The following NRXN1 variants were observed in gnomAD, a reference collection of about 807,000 sequenced individuals.
The protein encoded by NRXN1 is neurexin-1.
NRXN1 carries 39 observed loss-of-function variants against 150.9 expected under a neutral mutation model. The ratio of observed to expected loss-of-function variants is 0.26; its 90% confidence interval spans 0.20 to 0.34. The LOEUF (loss-of-function observed/expected upper bound fraction) is 0.34. Ranked by LOEUF, NRXN1 falls within the 10% of genes least tolerant of loss-of-function variation. The probability of loss-of-function intolerance (pLI) is 1.00; values close to 1 mark genes in which losing one functional copy is unlikely to be tolerated. For synonymous variants in NRXN1, 924 were observed against 757.0 expected, an observed-to-expected ratio of 1.22 and a Z score of -3.62; for missense variants, 1,815 against 1,949.9, an observed-to-expected ratio of 0.93 and a Z score of 1.30.
chr2:50,530,842 C>T (rs1461964912), intron 11 of NRXN1, among the ~76,000 whole-genome samples: 1 of 152,170 alleles, frequency 6.6e-6, no homozygotes, highest in African/African-American at 2.4e-5. Flanking sequence ...CAAATCCTTT[C>T]TAAGAAGACA....
chr2:49,977,954 G>A (rs1232711635), intron 21 of NRXN1, among the ~76,000 whole-genome samples: 1 of 152,112 alleles, frequency 6.6e-6, no homozygotes, highest in Non-Finnish European at 1.5e-5. Flanking sequence ...ACGAGGTCAG[G>A]AGATTGACAC....
At chr2:50,979,784 T>C (rs1421399367) in intron 2 of NRXN1, among the ~76,000 whole-genome samples, 1 of 152,058 alleles carries the variant, frequency 6.6e-6, no homozygotes, top group African/African-American at 2.4e-5. Context: ...CCAACACCAT[T>C]CAATATATTC....
chr2:51,026,531 GCCC>G (rs1344160396), intron 2 of NRXN1: 176 of 1,115,016 alleles, frequency 1.6e-4, no homozygotes, highest in Middle Eastern at 1.9e-4. Flanking sequence ...ACTGTTTTAA[GCCC>G]CAAGAACCAC....
chr2:50,890,712 T>A (rs147714845), intron 5 of NRXN1, among the ~76,000 whole-genome samples: 53 of 151,918 alleles, frequency 3.5e-4, no homozygotes, highest in African/African-American at 1.2e-3. Context: ...TATTGAACAA[T>A]TAAAACAAAA....
intron 18 of NRXN1, among the ~76,000 whole-genome samples, chr2:50,123,735 A>G (rs1704185741): frequency 6.6e-6 from 1 of 152,094 alleles, no homozygotes. Context: ...TTACTGATAG[A>G]TTGGATGTGA....
At chr2:50,985,701 C>T (rs1423813105) in intron 2 of NRXN1, among the ~76,000 whole-genome samples, 1 of 151,356 alleles carries the variant, frequency 6.6e-6, no homozygotes, top group African/African-American at 2.4e-5. Flanking sequence ...ATTGAAAATA[C>T]AGGAGAATTG....
chr2:50,296,764 A>G (rs889673954), intron 17 of NRXN1, among the ~76,000 whole-genome samples: 1 of 151,972 alleles, frequency 6.6e-6, no homozygotes, highest in Non-Finnish European at 1.5e-5. Flanking sequence ...CACGCTGCTC[A>G]GCCAGCTGCC....
chr2:50,980,054 G>A (rs980782015), intron 2 of NRXN1, among the ~76,000 whole-genome samples: 1 of 152,092 alleles, frequency 6.6e-6, no homozygotes, highest in Non-Finnish European at 1.5e-5. Flanking sequence ...ACCTAGATTT[G>A]CATATCGTTC....
rs989344037 is a variant in NRXN1, at chr2:50,675,282, G to C, written c.833-51667C>G. On this transcript the variant is annotated intron_variant, in intron 5 of 22. Transcript: ENST00000401669. ...CCCAGAAATTCTACAGACTATAAAT[G>C]CTATTTGTGAATCAATAGATTTTAA... Among the ~76,000 whole-genome samples the C allele has an allele frequency of 3.3e-5, 5 of 152,234 alleles. No homozygotes were observed. In the East Asian group the frequency reaches 5.8e-4, roughly 18 times the overall value.
intron 18 of NRXN1, among the ~76,000 whole-genome samples, chr2:50,150,636 T>G (rs181376298): frequency 6.6e-6 from 1 of 151,830 alleles, no homozygotes; most frequent in South Asian, 2.1e-4. Flanking sequence ...TAAAGAAGAA[T>G]CATTTAGGAA....
At chr2:50,850,210 A>T (rs1674312824) in intron 5 of NRXN1, among the ~76,000 whole-genome samples, 1 of 150,784 alleles carries the variant, frequency 6.6e-6, no homozygotes, top group Admixed American at 6.6e-5. Flanking sequence ...CCTGGGCAAC[A>T]GAGCAAGACC....
intron 5 of NRXN1, among the ~76,000 whole-genome samples, chr2:50,718,495 T>C (rs558470442): frequency 9.1e-4 from 139 of 152,296 alleles, no homozygotes; most frequent in African/African-American, 3.2e-3. Flanking sequence ...TATTAATCTG[T>C]ATCTGTTTAT....
intron 18 of NRXN1, among the ~76,000 whole-genome samples, chr2:50,126,892 A>T (rs2152742896): frequency 6.6e-6 from 1 of 152,238 alleles, no homozygotes; most frequent in Middle Eastern, 3.4e-3. Flanking sequence ...TATTTAATAA[A>T]TCCTGAGTTG....
chr2:50,192,773 A>G (rs905776448), intron 18 of NRXN1, among the ~76,000 whole-genome samples: 4 of 151,832 alleles, frequency 2.6e-5, no homozygotes, highest in Non-Finnish European at 4.4e-5. Context: ...CTCCCGGCTA[A>G]TTTTTTTGTA....
chr2:50,887,148 A>G (rs1335495852), intron 5 of NRXN1, among the ~76,000 whole-genome samples: 2 of 151,406 alleles, frequency 1.3e-5, no homozygotes, highest in Non-Finnish European at 3.0e-5. Flanking sequence ...TGTTTTCAGT[A>G]TCCAAAATGG....
intron 18 of NRXN1, among the ~76,000 whole-genome samples, chr2:50,207,020 C>T (rs2062644418): frequency 6.6e-6 from 1 of 151,862 alleles, no homozygotes. Context: ...TTAAAAACAG[C>T]TGCTCTTCTA....
intron 17 of NRXN1, among the ~76,000 whole-genome samples, chr2:50,284,257 T>C (rs1325422926): frequency 1.3e-5 from 2 of 152,158 alleles, no homozygotes; most frequent in African/African-American, 2.4e-5. Context: ...CATGTCTTAA[T>C]CCAAGGCCGA....
intron 18 of NRXN1, among the ~76,000 whole-genome samples, chr2:50,122,865 T>G (rs1383083720): frequency 1.3e-5 from 2 of 152,208 alleles, no homozygotes. Flanking sequence ...ATTCATTTAT[T>G]CACTCATTTG....
intron 2 of NRXN1, among the ~76,000 whole-genome samples, chr2:50,985,706 G>C (rs1163821811): frequency 1.3e-5 from 2 of 151,636 alleles, no homozygotes; most frequent in Non-Finnish European, 3.0e-5. Flanking sequence ...AAATACAGGA[G>C]AATTGAGATA....
Sources: gnomAD v4.1 joint callset for allele counts (sites outside exome capture counted in the v4.1 genomes callset) on GRCh38, gnomAD v4.1.1 for gene constraint, MANE v1.5 for transcripts, NCBI Gene and HGNC (gene_info 2026-07-23, HGNC 2026-07-21) for gene names.